PRRC2B: variants seen among roughly 807,000 people sequenced by gnomAD.
PRRC2B encodes protein PRRC2B.
In PRRC2B, 68 loss-of-function variants were observed where a neutral mutation model predicts 242.3. That is an observed-to-expected ratio of 0.28 (90% CI 0.23 to 0.34). The LOEUF is 0.34. Among genes scored for constraint, PRRC2B ranks in the 10% least tolerant of loss-of-function variants. The probability of loss-of-function intolerance (pLI) is 1.00; values close to 1 mark genes in which losing one functional copy is unlikely to be tolerated. For missense variants in PRRC2B, 2,835 were observed against 2,954.8 expected (o/e 0.96, Z 0.94); for synonymous variants, 1,228 against 1,173.6 (o/e 1.05, Z -0.95).
intron 1 of PRRC2B, among the ~76,000 whole-genome samples, chr9:131,424,639 T>A (rs749608897): frequency 6.6e-6 from 1 of 152,174 alleles, no homozygotes; most frequent in Non-Finnish European, 1.5e-5. Context: ...TGAGCCAAGA[T>A]TGTGCCACTG....
chr9:131,446,717 T>C lies in PRRC2B; in HGVS notation c.855+75T>C, dbSNP rs780489015. The C allele has an allele frequency of 6.8e-5, 105 of 1,549,320 alleles. No homozygotes were observed. The highest frequency in any genetic ancestry group is 8.1e-5 in the Non-Finnish European group (92 of 1,134,972). ...CCAGCAGATAGGTCAAGTGGTTGAA[T>C]GTCCCCCTTGGGGTCTCCTCTTGGC... On this transcript the variant is annotated intron_variant, in intron 7 of 31. Transcript: ENST00000683519. The surrounding 1 kb of genome is among the most constrained non-coding windows in gnomAD (Gnocchi z 4.1).
chr9:131,498,599 T>A lies in PRRC2B; in HGVS notation c.*2725T>A, dbSNP rs767529395. 6.6e-6 allele frequency: 1 copy of A among 152,278 alleles called. No individual in the cohort carries two copies. Among genetic ancestry groups the A allele is most frequent in the African/African-American group, 2.4e-5 (1 of 41,464 alleles). 9.4% of individuals were successfully genotyped at this position (152,278 alleles called of 1,614,324 possible). On this transcript the variant is annotated 3_prime_UTR_variant, in exon 32 of 32. Coordinates refer to ENST00000683519, the MANE Select transcript of PRRC2B (RefSeq NM_013318.4). ...GGTAGTAGGACGTAGGGTCTTATTTTGTTTTCAAACCCCCATCCTCAGAGC... is the reference window on the plus strand; with the variant it reads ...GGTAGTAGGACGTAGGGTCTTATTTAGTTTTCAAACCCCCATCCTCAGAGC...
At chr9:131,388,009 G>A (rs1836846462) in intron 1 of PRRC2B, among the ~76,000 whole-genome samples, 1 of 150,030 alleles carries the variant, frequency 6.7e-6, no homozygotes, top group South Asian at 2.1e-4. Flanking sequence ...TGGCCAACAT[G>A]GCAAAACCCC....
At chr9:131,439,980 C>G (rs905962611) in intron 5 of PRRC2B, among the ~76,000 whole-genome samples, 2 of 151,828 alleles carry the variant, frequency 1.3e-5, no homozygotes, top group African/African-American at 4.8e-5. Flanking sequence ...CTCCTAGGCT[C>G]AAGAGATCCT....
At chr9:131,478,892 T>C (rs1943781165) in intron 18 of PRRC2B, among the ~76,000 whole-genome samples, 1 of 152,122 alleles carries the variant, frequency 6.6e-6, no homozygotes, top group Non-Finnish European at 1.5e-5. Flanking sequence ...CAGTGGAAAC[T>C]TGTCCAAGGC....
intron 1 of PRRC2B, among the ~76,000 whole-genome samples, chr9:131,401,448 C>G (rs965454988): frequency 3.3e-5 from 5 of 150,736 alleles, no homozygotes; most frequent in East Asian, 1.9e-4. Flanking sequence ...GTGGCACGAT[C>G]TTGGCTCACT....
At chr9:131,415,081 C>T (rs765224372) in intron 1 of PRRC2B, among the ~76,000 whole-genome samples, 1 of 152,090 alleles carries the variant, frequency 6.6e-6, no homozygotes, top group South Asian at 2.1e-4. Context: ...TAACCTCTGC[C>T]TCACAGGTTT....
intron 9 of PRRC2B, among the ~76,000 whole-genome samples, chr9:131,454,220 A>G (rs1943004528): frequency 6.6e-6 from 1 of 152,160 alleles, no homozygotes; most frequent in Admixed American, 6.5e-5. Context: ...TTCATGACCA[A>G]ATAATATTCC....
chr9:131,466,624 C>CTTT (rs11409798), intron 12 of PRRC2B, among the ~76,000 whole-genome samples: 3 of 147,894 alleles, frequency 2.0e-5, no homozygotes, highest in East Asian at 3.9e-4. Context: ...TCTATCAGTC[C>CTTT]TTTTTTTTTT....
At chr9:131,441,863 G>A (rs1838591267) in intron 5 of PRRC2B, among the ~76,000 whole-genome samples, 1 of 152,194 alleles carries the variant, frequency 6.6e-6, no homozygotes, top group Non-Finnish European at 1.5e-5. Flanking sequence ...GGCTCAGCCT[G>A]TGACCTCGGA....
intron 9 of PRRC2B, among the ~76,000 whole-genome samples, chr9:131,452,979 A>G (rs561846245): frequency 1.3e-4 from 20 of 152,274 alleles, no homozygotes; most frequent in African/African-American, 4.8e-4. Context: ...CTTACTGTAT[A>G]TTTACTGATG....
chr9:131,435,583 G>A (rs1285579902), intron 3 of PRRC2B, among the ~76,000 whole-genome samples: 2 of 149,470 alleles, frequency 1.3e-5, no homozygotes, highest in East Asian at 3.9e-4. Context: ...CCACTGCACT[G>A]CAACCTGGGC....
chr9:131,437,124 A>G (rs1361084027), intron 4 of PRRC2B, among the ~76,000 whole-genome samples: 1 of 152,152 alleles, frequency 6.6e-6, no homozygotes, highest in Non-Finnish European at 1.5e-5. Flanking sequence ...TTCACTGGCC[A>G]GGTGAGTTTG....
At chr9:131,411,902 C>T (rs1334261369) in intron 1 of PRRC2B, among the ~76,000 whole-genome samples, 1 of 152,096 alleles carries the variant, frequency 6.6e-6, no homozygotes, top group Non-Finnish European at 1.5e-5. Flanking sequence ...CAACCCCAAA[C>T]TCCTGGATTC....
chr9:131,397,387 A>G (rs1837092147), intron 1 of PRRC2B, among the ~76,000 whole-genome samples: 1 of 152,104 alleles, frequency 6.6e-6, no homozygotes, highest in Non-Finnish European at 1.5e-5. Context: ...ACCTCGGGAG[A>G]GTGGAATTTC....
chr9:131,419,354 T>C (rs1476741426), intron 1 of PRRC2B, among the ~76,000 whole-genome samples: 1 of 152,206 alleles, frequency 6.6e-6, no homozygotes, highest in East Asian at 1.9e-4. Flanking sequence ...CTGCTCTCTG[T>C]ACCAGCACCC....
intron 1 of PRRC2B, among the ~76,000 whole-genome samples, 160 bp from the exon 2 acceptor site, chr9:131,429,934 G>C (rs767930075): frequency 6.3e-4 from 96 of 152,038 alleles, no homozygotes; most frequent in Non-Finnish European, 2.4e-4. Flanking sequence ...TGGGTGGTGA[G>C]AGCAGTTTTC....
intron 1 of PRRC2B, among the ~76,000 whole-genome samples, chr9:131,376,354 A>T (rs1209348054): frequency 1.4e-5 from 1 of 69,990 alleles, no homozygotes; most frequent in Non-Finnish European, 3.2e-5. Context: ...ACTCCATCTC[A>T]AAAAAAAAAA....
In PRRC2B at chr9:131,410,159, G is replaced by A. The variant is rs950235823; in HGVS notation, c.-52+15896G>A. Among the ~76,000 whole-genome samples, 9 of 152,314 alleles carry A rather than the reference G, an allele frequency of 5.9e-5. No homozygotes were observed. In the East Asian group the frequency reaches 1.7e-3, roughly 29 times the overall value. On this transcript the variant is annotated intron_variant, in intron 1 of 31. Transcript: ENST00000683519. Reference sequence around the variant, plus strand: ...ATTAACCGCATCTTCAAAGCGGGAGGTAGGCAGGAACTTGGAGACCGCATA... The same window carrying A: ...ATTAACCGCATCTTCAAAGCGGGAGATAGGCAGGAACTTGGAGACCGCATA...
Sources: gnomAD v4.1 joint callset for allele counts (sites outside exome capture counted in the v4.1 genomes callset) on GRCh38, gnomAD v4.1.1 for gene constraint, Gnocchi (gnomAD v3.1) non-coding constraint, MANE v1.5 for transcripts, NCBI Gene and HGNC (gene_info 2026-07-23, HGNC 2026-07-21) for gene names.